The following IPO13 variants were observed in gnomAD, a reference collection of about 807,000 sequenced individuals.
The protein encoded by IPO13 is importin-13.
Under a neutral mutation model 115.5 loss-of-function variants are expected in IPO13, and 28 were observed. The ratio of observed to expected loss-of-function variants is 0.24; its 90% CI spans 0.18 to 0.33. IPO13 has a LOEUF of 0.33. Among genes scored for constraint, IPO13 ranks in the 10% least tolerant of loss-of-function variants. IPO13 has a pLI of 1.00. For missense variants in IPO13, 785 were observed against 1,204.6 expected, an observed-to-expected ratio of 0.65 and a Z score of 5.16; for synonymous variants, 414 against 478.9, an observed-to-expected ratio of 0.86 and a Z score of 1.77.
In IPO13 at chr1:43,957,348, C is replaced by T. The variant is rs531675429; in HGVS notation, c.1392+33C>T. The T allele has an allele frequency of 8.1e-6, 13 of 1,613,434 alleles. No individual in the cohort carries two copies. The South Asian group carries it at 1.1e-4, about 14-fold the overall frequency. On this transcript the variant is annotated intron_variant, in intron 6 of 19. Coordinates refer to ENST00000372343, the MANE Select transcript of IPO13 (RefSeq NM_014652.4). ...CCAAGCCTGATTCCCTCAGCCTTCC[C>T]AGACCTGTCACACCCTCCTCCTCAT...
rs969656632 is a variant in IPO13 at position 43,955,594 on chromosome 1, C to T, written c.822-726C>T. ...ACTCCACTCTCTACTTTCATCCTCACGTGGCATTCTCCCTGTATGTCTCTG... is the reference window on the plus strand; with the variant it reads ...ACTCCACTCTCTACTTTCATCCTCATGTGGCATTCTCCCTGTATGTCTCTG... On this transcript the variant is annotated intron_variant, in intron 2 of 19. Coordinates refer to ENST00000372343, the MANE Select transcript of IPO13 (RefSeq NM_014652.4). Among the ~76,000 whole-genome samples, 8 of 152,178 alleles carry T rather than the reference C, an allele frequency of 5.3e-5. No individual in the cohort carries two copies. In the East Asian group the frequency reaches 7.7e-4, roughly 15 times the overall value.
intron 13 of IPO13, 40 bp downstream of exon 13, chr1:43,961,053 G>C (rs201431384): frequency 1.2e-6 from 2 of 1,612,378 alleles, no homozygotes; most frequent in Non-Finnish European, 1.7e-6. Context: ...GACCCTGGGT[G>C]GGGGTGGGTC....
At chr1:43,950,937 G>C (rs2085204855) in intron 2 of IPO13, among the ~76,000 whole-genome samples, 1 of 152,196 alleles carries the variant, frequency 6.6e-6, no homozygotes. Context: ...ACCTCTGTGA[G>C]GACAGGGACT....
Position 43,947,655 on chromosome 1 carries a change from T to G in IPO13, c.55T>G (p.Leu19Val). ...GAAGAGAAPALDFTVENVEKA... is the reference protein window; with the variant it reads ...GAAGAGAAPAVDFTVENVEKA... ...TGCAGGGGCTGGAGCAGCACCAGCC[T>G]TGGACTTCACTGTGGAGAACGTGGA... The change falls in exon 1 of 20, where the codon TTG becomes GTG. Residue 19 changes from leucine to valine, a missense_variant. Transcript: ENST00000372343. 7.5e-7 allele frequency: 1 copy of G among 1,331,714 alleles called. No individual in the cohort carries two copies. The highest frequency in any genetic ancestry group is 9.7e-7 in the Non-Finnish European group (1 of 1,032,574). 82.5% of individuals were successfully genotyped at this position (1,331,714 alleles called of 1,614,324 possible). A position where few individuals can be genotyped will look rare whatever the true frequency, so the allele number is the denominator to read the frequency against.
intron 7 of IPO13, 102 bp downstream of exon 7, chr1:43,957,651 T>G: frequency 7.2e-7 from 1 of 1,386,438 alleles, no homozygotes; most frequent in Admixed American, 1.8e-5. Flanking sequence ...GAGAGCCACA[T>G]GCCTACACAC....
chr1:43,957,334 T>C lies in IPO13; in HGVS notation c.1392+19T>C. The C allele has an allele frequency of 6.2e-7, 1 of 1,613,358 alleles. No homozygotes were observed. Among genetic ancestry groups the C allele is most frequent in the East Asian group, 2.2e-5 (1 of 44,862 alleles). On this transcript the variant is annotated intron_variant, in intron 6 of 19. Transcript: ENST00000372343. The stretch of plus-strand genomic sequence containing the variant: ...CTGGCAGGTACCTCCCAAGCCTGAT[T>C]CCCTCAGCCTTCCCAGACCTGTCAC...
chr1:43,958,335 T>C lies in IPO13; in HGVS notation c.1749+67T>C. Reference sequence around the variant, plus strand: ...TGGGAATCACTTATCCCTGAAATCCTGTTTTTTGGCCTTCCCCTTCCTCTT... The same window carrying C: ...TGGGAATCACTTATCCCTGAAATCCCGTTTTTTGGCCTTCCCCTTCCTCTT... On this transcript the variant is annotated intron_variant, in intron 9 of 19. Transcript: ENST00000372343. This position sits in a 1 kb window ranked among gnomAD's most constrained non-coding sequence, Gnocchi z 6.3. 6.2e-7 allele frequency: 1 copy of C among 1,611,442 alleles called. No homozygotes were observed. The highest frequency in any genetic ancestry group is 8.5e-7 in the Non-Finnish European group (1 of 1,177,654).
intron 2 of IPO13, among the ~76,000 whole-genome samples, chr1:43,951,871 C>G (rs1034908821): frequency 5.3e-5 from 8 of 152,158 alleles, no homozygotes; most frequent in Admixed American, 4.6e-4. Context: ...GATCTGAAAT[C>G]TTGGATCAGC....
chr1:43,949,571 G>A lies in IPO13; in HGVS notation c.239G>A (p.Ser80Asn). The A allele has an allele frequency of 1.9e-6, 3 of 1,614,254 alleles. No individual in the cohort carries two copies. Among genetic ancestry groups the A allele is most frequent in the Non-Finnish European group, 2.5e-6 (3 of 1,180,054 alleles). Residue 80 changes from serine (S) to asparagine (N), a missense_variant, in exon 2 of 20, where the codon AGT becomes AAT. This residue lies in a region of IPO13 where 325 missense variants were observed against 449.8 expected (regional missense o/e 0.72). Transcript: ENST00000372343. Reference protein sequence around the residue: ...KVPEIQYFGASALHIKISRYW... With the variant: ...KVPEIQYFGANALHIKISRYW... ...CCAGAGATCCAGTACTTTGGGGCCAGTGCTCTTCACATCAAGATCTCTCGC... is the reference window on the plus strand; with the variant it reads ...CCAGAGATCCAGTACTTTGGGGCCAATGCTCTTCACATCAAGATCTCTCGC...
chr1:43,948,045 T>C (rs2085179918), intron 1 of IPO13, among the ~76,000 whole-genome samples: 1 of 152,204 alleles, frequency 6.6e-6, no homozygotes, highest in African/African-American at 2.4e-5. Context: ...GGAATTATAC[T>C]GATGCCAAAC....
Position 43,956,835 on chromosome 1 carries a change from A to G in IPO13, c.1130A>G (p.Glu377Gly). ...GATGATATTCTATCCTTTGAGGCAG[A>G]GAAGCAGGCTGTATACCAGCAGGTG... ...LQDDILSFEA[E>G]KQAVYQQVYR... Residue 377 changes from glutamate (E) to glycine (G), a missense_variant, in exon 5 of 20, where the codon GAG (glutamate) becomes GGG (glycine). Physicochemically the swap from Glu to Gly is moderately conservative, Grantham distance 98. This residue lies in a region of IPO13 where 175 missense variants were observed against 360.0 expected (regional missense o/e 0.49). Transcript: ENST00000372343. This position sits in a 1 kb window ranked among gnomAD's most constrained non-coding sequence, Gnocchi z 4.7. The G allele has an allele frequency of 6.2e-7, 1 of 1,614,234 alleles. No individual in the cohort carries two copies. Among genetic ancestry groups the G allele is most frequent in the Non-Finnish European group, 8.5e-7 (1 of 1,180,038 alleles).
Position 43,967,721 on chromosome 1 carries a change from TC to T in IPO13, c.*42del. 6.4e-7 allele frequency: 1 copy of T among 1,574,732 alleles called. No homozygotes were observed. The highest frequency in any genetic ancestry group is 8.7e-7 in the Non-Finnish European group (1 of 1,144,964). Reference sequence around the variant, plus strand: ...CCCATCCACCCCTTCTCTTCATCCTTCCCTATTCCCAAAGAGTAAACCTGGA... The same window carrying T: ...CCCATCCACCCCTTCTCTTCATCCTTCCTATTCCCAAAGAGTAAACCTGGA... On this transcript the variant is annotated 3_prime_UTR_variant, in exon 20 of 20. Coordinates refer to ENST00000372343, the MANE Select transcript of IPO13 (RefSeq NM_014652.4). This position sits in a 1 kb window ranked among gnomAD's most constrained non-coding sequence, Gnocchi z 6.1.
chr1:43,948,547 C>T (rs1226493301), intron 1 of IPO13, among the ~76,000 whole-genome samples: 2 of 152,204 alleles, frequency 1.3e-5, no homozygotes, highest in Non-Finnish European at 2.9e-5. Context: ...CAAACAAGGG[C>T]CAATGGCCAT....
At chr1:43,949,268 A>T in intron 1 of IPO13, 149 bp from the exon 2 acceptor site, 1 of 761,028 alleles carries the variant, frequency 1.3e-6, no homozygotes, top group African/African-American at 1.8e-5. Flanking sequence ...CCCCAGGCCC[A>T]GGAAACACTG....
At chr1:43,949,014 T>G (rs917917270) in intron 1 of IPO13, among the ~76,000 whole-genome samples, 38 of 152,344 alleles carry the variant, frequency 2.5e-4, no homozygotes, top group African/African-American at 7.7e-4. Context: ...TGGGAGCAGC[T>G]GTGCCTGGGA....
rs557897846 is a variant in IPO13 at position 43,966,122 on chromosome 1, T to C, written c.2398-453T>C. The C allele has an allele frequency of 2.2e-3, 541 of 244,254 alleles. 5 individuals carry two copies. Among genetic ancestry groups the C allele is most frequent in the Middle Eastern group, 0.015 (9 of 606 alleles). The allele number at this position is 244,254 out of a possible 1,614,324, so 15.1% of individuals were successfully genotyped here. On this transcript the variant is annotated intron_variant, in intron 15 of 19. Transcript: ENST00000372343. This position sits in a 1 kb window ranked among gnomAD's most constrained non-coding sequence, Gnocchi z 4.1. ...GTGCCTCAGGAATACAGGAGGGACA[T>C]GGGAGGAGGGCTGTTGGGCTGAGGG...
At position 43,951,822 on chromosome 1, in the gene IPO13, G is replaced by A. The variant is rs138586585; in HGVS notation, c.821+1669G>A. Among the ~76,000 whole-genome samples the A allele has an allele frequency of 1.5e-3, 226 of 152,250 alleles. 1 individual carries two copies. Among genetic ancestry groups the A allele is most frequent in the African/African-American group, 5.0e-3 (209 of 41,534 alleles). On this transcript the variant is annotated intron_variant, in intron 2 of 19. Transcript: ENST00000372343. ...GCTGATGACTCAAGCCTTGGCATTA[G>A]TCACATCTAAGTTTGAATCCCAGAT...
At chr1:43,947,810 G>T in intron 1 of IPO13, 126 bp downstream of exon 1, 2 of 467,654 alleles carry the variant, frequency 4.3e-6, no homozygotes, top group Non-Finnish European at 7.2e-6. Flanking sequence ...CCTGGCATTT[G>T]CTCTCTTTCT....
Position 43,967,593 on chromosome 1 carries a change from G to A in IPO13, c.2803G>A (p.Val935Met). 6.2e-7 allele frequency: 1 copy of A among 1,614,246 alleles called. No homozygotes were observed. The highest frequency in any genetic ancestry group is 8.5e-7 in the Non-Finnish European group (1 of 1,180,050). The change falls in exon 20 of 20, where the codon GTG (valine) becomes ATG (methionine). Residue 935 changes from valine to methionine, a missense_variant. Physicochemically the swap from Val to Met is conservative, Grantham distance 21. This residue lies in a region of IPO13 where 285 missense variants were observed against 394.8 expected (regional missense o/e 0.72). Transcript: ENST00000372343. This position sits in a 1 kb window ranked among gnomAD's most constrained non-coding sequence, Gnocchi z 6.1. ...TFSQQILRER[V>M]NKRRVKEMVK... ...CTCCCTTTTCTCCTTCAGCGAGCGA[G>A]TGAACAAGAGGCGGGTGAAGGAGAT... is the stretch of plus-strand genomic sequence containing the variant.
Sources: gnomAD v4.1 joint callset for allele counts (sites outside exome capture counted in the v4.1 genomes callset) on GRCh38, gnomAD v4.1.1 for gene constraint, gnomAD v4.1.1 regional missense constraint, Gnocchi (gnomAD v3.1) non-coding constraint, MANE v1.5 for transcripts, NCBI Gene and HGNC (gene_info 2026-07-23, HGNC 2026-07-21) for gene names.